Variants in ADGRB3 observed in about 807,000 individuals in gnomAD.
The protein encoded by ADGRB3 is brain-specific angiogenesis inhibitor 3.
A neutral mutation model predicts 193.4 loss-of-function variants in ADGRB3; 37 were observed. The ratio of observed to expected loss-of-function variants is 0.19; its 90% CI spans 0.15 to 0.25. The LOEUF (loss-of-function observed/expected upper bound fraction) is 0.25. Ranked by LOEUF, ADGRB3 falls within the 10% of genes least tolerant of loss-of-function variation. The pLI is 1.00. For synonymous variants in ADGRB3, 690 were observed against 644.2 expected, an observed-to-expected ratio of 1.07 and a Z score of -1.08; for missense variants, 1,637 against 1,852.9, an observed-to-expected ratio of 0.88 and a Z score of 2.14.
intron 17 of ADGRB3, among the ~76,000 whole-genome samples, chr6:69,110,877 C>T (rs577236314): frequency 6.6e-6 from 1 of 152,070 alleles, no homozygotes; most frequent in African/African-American, 2.4e-5. Context: ...ATGGGATATG[C>T]ATGATTAGAC....
At chr6:69,340,676 T>TA (rs1768955085) in intron 26 of ADGRB3, among the ~76,000 whole-genome samples, 1 of 152,172 alleles carries the variant, frequency 6.6e-6, no homozygotes, top group South Asian at 2.1e-4. Context: ...GCAGGTTTGT[T>TA]ACATAGGTAT....
At chr6:69,313,208 A>G (rs975574233) in intron 20 of ADGRB3, among the ~76,000 whole-genome samples, 5 of 151,864 alleles carry the variant, frequency 3.3e-5, no homozygotes, top group African/African-American at 1.2e-4. Flanking sequence ...GACAGATTAC[A>G]TCAGAATCTC....
intron 17 of ADGRB3, among the ~76,000 whole-genome samples, chr6:69,092,707 T>C (rs144431882): frequency 2.8e-3 from 429 of 151,912 alleles, no homozygotes; most frequent in African/African-American, 9.8e-3. Context: ...AAAAAGTACA[T>C]AGAAGGCAGA....
chr6:69,348,533 G>A (rs1769156740), intron 26 of ADGRB3, among the ~76,000 whole-genome samples: 1 of 151,384 alleles, frequency 6.6e-6, no homozygotes, highest in Non-Finnish European at 1.5e-5. Flanking sequence ...CATGGTGGCA[G>A]GCGCCTGTAG....
chr6:68,952,477 C>T (rs187723661), intron 6 of ADGRB3, among the ~76,000 whole-genome samples: 1 of 151,960 alleles, frequency 6.6e-6, no homozygotes, highest in Non-Finnish European at 1.5e-5. Flanking sequence ...ATGATTTGGA[C>T]TTGACACACT....
At chr6:69,325,723 T>C (rs908308562) in intron 21 of ADGRB3, among the ~76,000 whole-genome samples, 20 of 152,288 alleles carry the variant, frequency 1.3e-4, no homozygotes, top group Non-Finnish European at 2.8e-4. Context: ...GACTGGCATA[T>C]GGGATGCTAG....
At chr6:68,644,110 CA>C (rs1325578041) in intron 3 of ADGRB3, among the ~76,000 whole-genome samples, 2 of 149,266 alleles carry the variant, frequency 1.3e-5, no homozygotes. Context: ...ATAAATGAAA[CA>C]AAAAAACTCA....
chr6:68,931,482 A>T (rs1767336878), intron 4 of ADGRB3, among the ~76,000 whole-genome samples: 1 of 152,072 alleles, frequency 6.6e-6, no homozygotes, highest in African/African-American at 2.4e-5. Flanking sequence ...TTGTTATGTA[A>T]ATTTTCAATT....
chr6:68,918,549 G>T (rs1034848885), intron 3 of ADGRB3, among the ~76,000 whole-genome samples: 1 of 152,146 alleles, frequency 6.6e-6, no homozygotes, highest in East Asian at 1.9e-4. Flanking sequence ...AGCCTTCCAA[G>T]AACTTATCTT....
At chr6:68,724,726 T>C (rs1184603323) in intron 3 of ADGRB3, among the ~76,000 whole-genome samples, 1 of 151,466 alleles carries the variant, frequency 6.6e-6, no homozygotes, top group African/African-American at 2.4e-5. Context: ...GACCTTCCCA[T>C]TCTTTTCTAC....
chr6:69,314,067 T>C (rs192237233), intron 20 of ADGRB3, among the ~76,000 whole-genome samples: 1 of 151,870 alleles, frequency 6.6e-6, no homozygotes, highest in African/African-American at 2.4e-5. Context: ...AAATTGTTAT[T>C]TTTTTAAGCC....
chr6:69,082,684 A>G (rs1772421653), intron 17 of ADGRB3, among the ~76,000 whole-genome samples: 1 of 151,988 alleles, frequency 6.6e-6, no homozygotes, highest in Admixed American at 6.6e-5. Context: ...AATCTGTTGT[A>G]TTTCTTTTAA....
intron 17 of ADGRB3, among the ~76,000 whole-genome samples, chr6:69,094,530 C>T (rs1772813614): frequency 6.6e-6 from 1 of 152,104 alleles, no homozygotes; most frequent in African/African-American, 2.4e-5. Flanking sequence ...ATTAAATTGG[C>T]ACCCAGAGGA....
chr6:69,357,134 G>T (rs1265762266), intron 28 of ADGRB3, among the ~76,000 whole-genome samples: 1 of 151,900 alleles, frequency 6.6e-6, no homozygotes, highest in Admixed American at 6.6e-5. Flanking sequence ...GCCCAAGGTA[G>T]CCTCCGATTT....
At chr6:68,940,638 G>A (rs1360005393) in intron 5 of ADGRB3, among the ~76,000 whole-genome samples, 8 of 146,626 alleles carry the variant, frequency 5.5e-5, no homozygotes, top group Admixed American at 5.0e-4. Context: ...GGTGGCTCAC[G>A]CCTGTAATCC....
intron 11 of ADGRB3, among the ~76,000 whole-genome samples, chr6:69,008,760 G>GCTGCTTC (rs1769846925): frequency 6.6e-6 from 1 of 152,106 alleles, no homozygotes; most frequent in African/African-American, 2.4e-5. Context: ...AATATCCACA[G>GCTGCTTC]CTGCTTCCTG....
At chr6:69,162,616 T>C (rs1261187306) in intron 17 of ADGRB3, among the ~76,000 whole-genome samples, 1 of 152,126 alleles carries the variant, frequency 6.6e-6, no homozygotes, top group Admixed American at 6.6e-5. Context: ...AGCAAGTTAA[T>C]AATATGGTCA....
chr6:68,643,874 G>A (rs1768141105), intron 3 of ADGRB3, among the ~76,000 whole-genome samples: 1 of 151,046 alleles, frequency 6.6e-6, no homozygotes, highest in African/African-American at 2.4e-5. Flanking sequence ...AGAGGTTACA[G>A]TGAGCCGAGA....
intron 11 of ADGRB3, among the ~76,000 whole-genome samples, chr6:68,998,293 C>A (rs1285301900): frequency 6.6e-6 from 1 of 152,172 alleles, no homozygotes; most frequent in Non-Finnish European, 1.5e-5. Context: ...TAATTTGCTG[C>A]CATTGACAAT....
Sources: gnomAD v4.1 joint callset for allele counts (sites outside exome capture counted in the v4.1 genomes callset) on GRCh38, gnomAD v4.1.1 for gene constraint, MANE v1.5 for transcripts, NCBI Gene and HGNC (gene_info 2026-07-23, HGNC 2026-07-21) for gene names.